Variants in DCDC1 observed in about 807,000 individuals in gnomAD.
DCDC1 encodes doublecortin domain containing 1, also known as doublecortin domain-containing protein 1.
A neutral mutation model predicts 178.3 loss-of-function variants in DCDC1; 200 were observed. That is an observed-to-expected ratio of 1.12 (90% confidence interval 1.00 to 1.26). The LOEUF (loss-of-function observed/expected upper bound fraction) is 1.26, where lower values mean the gene tolerates loss of function less well. Ranked by LOEUF, DCDC1 falls within the 50% of genes most tolerant of loss-of-function variation. The pLI, the probability that DCDC1 is intolerant of heterozygous loss-of-function variation, is 0.00. For missense variants in DCDC1, 1,983 were observed against 1,749.2 expected, an observed-to-expected ratio of 1.13 and a Z score of -2.38; for synonymous variants, 690 against 604.8, an observed-to-expected ratio of 1.14 and a Z score of -2.07.
intron 36 of DCDC1, among the ~76,000 whole-genome samples, chr11:30,888,116 AAGAAAGAAAGAAAG>A (rs1943423556): frequency 1.4e-5 from 2 of 143,106 alleles, no homozygotes; most frequent in African/African-American, 5.4e-5. Context: ...GAAAGAAAGA[AAGAAAGAAAGAAAG>A]AAAGAAAGAA....
At chr11:31,148,041 T>C (rs577781667) in intron 9 of DCDC1, among the ~76,000 whole-genome samples, 3 of 152,056 alleles carry the variant, frequency 2.0e-5, no homozygotes, top group Admixed American at 6.6e-5. Context: ...GTGGAAGAAA[T>C]GCAGTAGAGA....
At chr11:31,237,110 A>T (rs1976558229) in intron 9 of DCDC1, among the ~76,000 whole-genome samples, 1 of 151,962 alleles carries the variant, frequency 6.6e-6, no homozygotes, top group African/African-American at 2.4e-5. Context: ...TTTTGAGATG[A>T]ATCAATTCTG....
chr11:31,063,718 T>A (rs1020547714), intron 20 of DCDC1, among the ~76,000 whole-genome samples: 10 of 152,166 alleles, frequency 6.6e-5, no homozygotes, highest in Non-Finnish European at 7.4e-5. Context: ...ATTTTTACAA[T>A]AAATAAATTA....
intron 9 of DCDC1, among the ~76,000 whole-genome samples, chr11:31,203,519 C>T (rs1478510113): frequency 6.6e-6 from 1 of 152,104 alleles, no homozygotes; most frequent in African/African-American, 2.4e-5. Context: ...ACTGATACGG[C>T]ATCATCTTGG....
At chr11:31,140,122 T>G (rs1963635332) in intron 9 of DCDC1, among the ~76,000 whole-genome samples, 1 of 152,228 alleles carries the variant, frequency 6.6e-6, no homozygotes, top group Non-Finnish European at 1.5e-5. Flanking sequence ...GGTAAGATTC[T>G]TCTCTCCTGT....
At chr11:31,355,337 C>A (rs970592787) in intron 1 of DCDC1, among the ~76,000 whole-genome samples, 3 of 152,128 alleles carry the variant, frequency 2.0e-5, no homozygotes, top group African/African-American at 7.2e-5. Context: ...AAAGAGGCCT[C>A]ACTGGGGAAA....
At chr11:31,197,144 A>G (rs188081231) in intron 9 of DCDC1, among the ~76,000 whole-genome samples, 1 of 152,208 alleles carries the variant, frequency 6.6e-6, no homozygotes, top group East Asian at 1.9e-4. Flanking sequence ...TGATTTAGTG[A>G]TATGCAATAA....
intron 9 of DCDC1, among the ~76,000 whole-genome samples, chr11:31,215,940 A>C (rs966315955): frequency 4.0e-5 from 6 of 151,132 alleles, no homozygotes; most frequent in African/African-American, 1.2e-4. Context: ...ACAGATTCTT[A>C]TTTATGGCTG....
At chr11:31,254,754 G>C (rs1944299514) in intron 8 of DCDC1, among the ~76,000 whole-genome samples, 1 of 152,126 alleles carries the variant, frequency 6.6e-6, no homozygotes, top group South Asian at 2.1e-4. Flanking sequence ...GGGCAAATTG[G>C]TTCTGCTCCA....
chr11:31,352,917 G>A (rs552528205), intron 1 of DCDC1, among the ~76,000 whole-genome samples: 1 of 152,286 alleles, frequency 6.6e-6, no homozygotes, highest in Non-Finnish European at 1.5e-5. Flanking sequence ...CCAGGTGGGA[G>A]ATGCAATTAG....
intron 11 of DCDC1, among the ~76,000 whole-genome samples, chr11:31,120,913 T>C (rs1041937293): frequency 6.6e-6 from 1 of 152,004 alleles, no homozygotes; most frequent in Non-Finnish European, 1.5e-5. Flanking sequence ...GACATTTCCA[T>C]GGGGATGAAG....
chr11:31,316,271 A>T (rs910998669), intron 3 of DCDC1, among the ~76,000 whole-genome samples: 1 of 116,448 alleles, frequency 8.6e-6, no homozygotes, highest in Admixed American at 9.4e-5. Flanking sequence ...AGTCCCACCA[A>T]CAGTGTAAAA....
chr11:30,997,880 C>T (rs891358196), intron 20 of DCDC1, among the ~76,000 whole-genome samples: 4 of 152,080 alleles, frequency 2.6e-5, no homozygotes, highest in Admixed American at 6.5e-5. Context: ...GCCTTCTCCC[C>T]ATCTCCAATA....
chr11:31,136,032 T>C, intron 10 of DCDC1, among the ~76,000 whole-genome samples: 1 of 152,210 alleles, frequency 6.6e-6, no homozygotes, highest in African/African-American at 2.4e-5. Flanking sequence ...TGTCATTCTT[T>C]TACAATATTT....
intron 20 of DCDC1, among the ~76,000 whole-genome samples, chr11:31,037,235 T>C (rs1286476074): frequency 6.6e-6 from 1 of 152,158 alleles, no homozygotes. Flanking sequence ...TGGCGCCATA[T>C]TGAAAAGGCA....
chr11:31,306,255 C>A lies in DCDC1; in HGVS notation c.568G>T (p.Val190Phe). ...ACCAAGGTGATGGTTGGTACAGTAA[C>A]TCTGGCAAAGACTGTTCTAGATCCA... ...KNGSRTVFAR[V>F]TVPTITLLLE... is the part of the protein sequence containing the mutation. The change falls in exon 5 of 39, where the codon GTT becomes TTT. Residue 190 changes from valine (V) to phenylalanine (F), a missense_variant. By Grantham distance (50) the Val-to-Phe change is conservative. Transcript: ENST00000684477. 1 of 1,589,982 alleles carries A rather than the reference C, an allele frequency of 6.3e-7. No homozygotes were observed. The highest frequency in any genetic ancestry group is 8.6e-7 in the Non-Finnish European group (1 of 1,168,164).
At chr11:31,111,350 AT>A (rs1212965900) in intron 11 of DCDC1, among the ~76,000 whole-genome samples, 1 of 151,996 alleles carries the variant, frequency 6.6e-6, no homozygotes, top group African/African-American at 2.4e-5. Flanking sequence ...AATGTATTTA[AT>A]TGTCTCAACC....
chr11:30,917,030 T>C lies in DCDC1; in HGVS notation c.3294-2A>G. 1 of 1,590,850 alleles carries C rather than the reference T, an allele frequency of 6.3e-7. No homozygotes were observed. Among genetic ancestry groups the C allele is most frequent in the South Asian group, 1.2e-5 (1 of 84,036 alleles). Reference sequence around the variant, plus strand: ...AGATGAGCTCTTACGTGTGAATCTCTATCAAGGTTCAGAAGCAAACATAAG... The same window carrying C: ...AGATGAGCTCTTACGTGTGAATCTCCATCAAGGTTCAGAAGCAAACATAAG... On this transcript the variant is annotated splice_acceptor_variant, in intron 25 of 38. Coordinates refer to ENST00000684477, the MANE Select transcript of DCDC1 (RefSeq NM_001387274.1). LOFTEE classifies it high-confidence loss of function.
rs3076153 is a variant in DCDC1, at chr11:30,873,364, TAGAG to T, written c.*40+5176_*40+5179del. On this transcript the variant is annotated intron_variant, in intron 38 of 38. Transcript: ENST00000684477. ...ATATACATATATATATATATATATA[TAGAG>T]AGAGAGAGAGAGAGAGAGAACAAAC... Among the ~76,000 whole-genome samples the T allele has an allele frequency of 2.0e-4, 27 of 137,084 alleles. No individual in the cohort carries two copies. In the South Asian group the frequency reaches 4.4e-3, roughly 23 times the overall value. The allele number at this position is 137,084 out of a possible 152,430, so 89.9% of individuals were successfully genotyped here. A position where few individuals can be genotyped will look rare whatever the true frequency, so the allele number is the denominator to read the frequency against.
Sources: gnomAD v4.1 joint callset for allele counts (sites outside exome capture counted in the v4.1 genomes callset) on GRCh38, gnomAD v4.1.1 for gene constraint, MANE v1.5 for transcripts, NCBI Gene and HGNC (gene_info 2026-07-23, HGNC 2026-07-21) for gene names.